The following GLIS3 variants were observed in gnomAD, a reference collection of about 807,000 sequenced individuals.
GLIS3 encodes the protein GLIS family zinc finger 3.
Under a neutral mutation model 78.6 loss-of-function variants are expected in GLIS3, and 53 were observed. The ratio of observed to expected loss-of-function variants is 0.67; its 90% CI spans 0.54 to 0.85. The LOEUF (loss-of-function observed/expected upper bound fraction) is 0.85. Ranked by LOEUF, GLIS3 falls within the 40% of genes least tolerant of loss-of-function variation. The pLI is 0.00. For synonymous variants in GLIS3, 684 were observed against 509.9 expected (o/e 1.34, Z -4.60); for missense variants, 1,703 against 1,231.1 (o/e 1.38, Z -5.74).
At chr9:3,932,976 A>G in intron 5 of GLIS3, 1 of 267,890 alleles carries the variant, frequency 3.7e-6, no homozygotes, top group Non-Finnish European at 7.5e-6. Flanking sequence ...TAAAGTGAGT[A>G]AGAGACAGTA....
the GLIS3 span, among the ~76,000 whole-genome samples, chr9:4,380,427 G>A: frequency 6.6e-6 from 1 of 152,124 alleles, no homozygotes; most frequent in East Asian, 1.9e-4. Context: ...GGTGACAACA[G>A]AGTATTGTTA....
intron 2 of GLIS3, among the ~76,000 whole-genome samples, chr9:4,138,570 A>G (rs147154266): frequency 2.5e-4 from 38 of 152,276 alleles, no homozygotes; most frequent in African/African-American, 8.7e-4. Context: ...AAATGAAGTG[A>G]GGTGCATGTG....
chr9:4,179,906 T>C (rs1324406918), intron 2 of GLIS3, among the ~76,000 whole-genome samples: 2 of 111,132 alleles, frequency 1.8e-5, no homozygotes, highest in African/African-American at 3.3e-5. Flanking sequence ...CGAGACTCTG[T>C]CTCAAAAAAA....
chr9:3,905,049 T>G (rs1277028430), intron 6 of GLIS3, among the ~76,000 whole-genome samples: 2 of 151,390 alleles, frequency 1.3e-5, no homozygotes, highest in Non-Finnish European at 2.9e-5. Context: ...CTCGGCTCAC[T>G]GCAAGCTCTG....
intron 4 of GLIS3, among the ~76,000 whole-genome samples, chr9:4,029,607 C>A (rs1823649168): frequency 6.6e-6 from 1 of 152,032 alleles, no homozygotes; most frequent in Non-Finnish European, 1.5e-5. Context: ...AGCCCCCCAC[C>A]ACCCTTCTCA....
intron 1 of GLIS3, among the ~76,000 whole-genome samples, chr9:4,289,387 C>G (rs565199166): frequency 6.6e-6 from 1 of 152,276 alleles, no homozygotes; most frequent in Admixed American, 6.5e-5. Context: ...TAATAGCATT[C>G]TCTACCACCC....
At chr9:4,160,658 G>C (rs1192743940) in intron 2 of GLIS3, among the ~76,000 whole-genome samples, 1 of 152,110 alleles carries the variant, frequency 6.6e-6, no homozygotes, top group African/African-American at 2.4e-5. Context: ...TTGTATTTTA[G>C]GTAAGACTTA....
At chr9:4,202,475 A>T (rs1819495987) in intron 2 of GLIS3, among the ~76,000 whole-genome samples, 1 of 151,760 alleles carries the variant, frequency 6.6e-6, no homozygotes, top group Non-Finnish European at 1.5e-5. Flanking sequence ...AATAAATAAA[A>T]TTCACGTGAA....
intron 4 of GLIS3, among the ~76,000 whole-genome samples, chr9:4,069,727 T>C (rs1827427356): frequency 1.3e-5 from 2 of 152,132 alleles, no homozygotes; most frequent in South Asian, 4.1e-4. Flanking sequence ...ATTAAGCCAT[T>C]AAATTTAGTC....
chr9:4,247,503 G>A (rs1226877855), intron 2 of GLIS3, among the ~76,000 whole-genome samples: 1 of 152,060 alleles, frequency 6.6e-6, no homozygotes, highest in African/African-American at 2.4e-5. Flanking sequence ...CATATGTTCT[G>A]GGGGTTAACA....
chr9:3,890,938 C>T (rs775292127), intron 7 of GLIS3, among the ~76,000 whole-genome samples: 3 of 151,988 alleles, frequency 2.0e-5, no homozygotes, highest in Admixed American at 6.6e-5. Flanking sequence ...TTAAAAAATG[C>T]CATGTGAACT....
chr9:4,199,484 T>C, intron 2 of GLIS3, among the ~76,000 whole-genome samples: 1 of 149,234 alleles, frequency 6.7e-6, no homozygotes, highest in East Asian at 1.9e-4. Flanking sequence ...ATATAAGTTA[T>C]ATATAAGTTT....
At chr9:4,065,516 C>T (rs1042807858) in intron 4 of GLIS3, among the ~76,000 whole-genome samples, 1 of 152,018 alleles carries the variant, frequency 6.6e-6, no homozygotes, top group African/African-American at 2.4e-5. Context: ...TACAAATTCC[C>T]AACTCTTCTG....
chr9:3,878,284 A>C (rs191715914), intron 8 of GLIS3, among the ~76,000 whole-genome samples: 10 of 152,104 alleles, frequency 6.6e-5, no homozygotes, highest in African/African-American at 2.2e-4. Flanking sequence ...ATTATACTTC[A>C]TTTGAATGCC....
chr9:4,136,249 T>C (rs540297730), intron 2 of GLIS3, among the ~76,000 whole-genome samples: 1 of 152,324 alleles, frequency 6.6e-6, no homozygotes, highest in Non-Finnish European at 1.5e-5. Flanking sequence ...CTGTACAGTA[T>C]TAAGCATGAA....
At chr9:4,225,034 A>C (rs1821650123) in intron 2 of GLIS3, among the ~76,000 whole-genome samples, 3 of 151,882 alleles carry the variant, frequency 2.0e-5, no homozygotes, top group African/African-American at 7.3e-5. Flanking sequence ...TCACATTTGC[A>C]ATCTCATTTG....
chr9:4,394,505 A>G, the GLIS3 span, among the ~76,000 whole-genome samples: 1 of 152,106 alleles, frequency 6.6e-6, no homozygotes, highest in African/African-American at 2.4e-5. Flanking sequence ...AAGCACGGGA[A>G]ACCTGTAACT....
At chr9:4,032,725 T>C (rs1242818581) in intron 4 of GLIS3, among the ~76,000 whole-genome samples, 4 of 151,918 alleles carry the variant, frequency 2.6e-5, no homozygotes, top group African/African-American at 7.3e-5. Flanking sequence ...ATATACCCTA[T>C]GCCATGAGGT....
At chr9:4,434,094 C>CAA in the GLIS3 span, among the ~76,000 whole-genome samples, 1,528 of 99,978 alleles carry the variant, frequency 0.015, 34 homozygotes, top group Middle Eastern at 0.028. Context: ...GACTCTGTCT[C>CAA]AAAAAAAAAA....
Sources: allele counts gnomAD v4.1 joint callset (sites outside exome capture counted in the v4.1 genomes callset), GRCh38; gene constraint gnomAD v4.1.1; transcripts MANE v1.5; gene names NCBI Gene and HGNC (gene_info 2026-07-23, HGNC 2026-07-21).